Variants in REDIC1 observed in about 807,000 individuals in gnomAD.
REDIC1 encodes the protein HEI10 Interacting Protein 1.
chr12:39,728,786 T>TG, the REDIC1 span, among the ~76,000 whole-genome samples: 1 of 148,074 alleles, frequency 6.8e-6, no homozygotes, highest in Non-Finnish European at 1.5e-5. Context: ...TGGGCTTTTT[T>TG]TTTTTTTTTT....
chr12:39,872,123 A>G, the REDIC1 span, among the ~76,000 whole-genome samples: 1 of 152,222 alleles, frequency 6.6e-6, no homozygotes, highest in South Asian at 2.1e-4. Flanking sequence ...AAAAGATCAC[A>G]ATATAAAGAC....
At chr12:39,682,477 T>A in the REDIC1 span, 1 of 482,352 alleles carries the variant, frequency 2.1e-6, no homozygotes, top group Non-Finnish European at 3.3e-6. Flanking sequence ...TTTATTTAAA[T>A]ATAAAAAATA....
At chr12:39,841,870 C>G in the REDIC1 span, among the ~76,000 whole-genome samples, 2 of 152,008 alleles carry the variant, frequency 1.3e-5, no homozygotes, top group South Asian at 4.1e-4. Context: ...AGTAAGTCGA[C>G]TAGTATTTGT....
chr12:39,654,825 C>G, the REDIC1 span, among the ~76,000 whole-genome samples: 1 of 152,080 alleles, frequency 6.6e-6, no homozygotes, highest in Non-Finnish European at 1.5e-5. Context: ...TATTTCTTTT[C>G]TAAGTTTTTC....
the REDIC1 span, among the ~76,000 whole-genome samples, chr12:39,709,801 A>G: frequency 1.3e-5 from 2 of 151,900 alleles, no homozygotes; most frequent in African/African-American, 4.8e-5. Flanking sequence ...TGCAATGAAC[A>G]TAAGTATGCA....
At chr12:39,714,084 CAT>C in the REDIC1 span, among the ~76,000 whole-genome samples, 17 of 56,618 alleles carry the variant, frequency 3.0e-4, 1 homozygote, top group East Asian at 5.5e-3. Context: ...TGTATATACA[CAT>C]ATATGTACAT....
At chr12:39,713,867 A>C in the REDIC1 span, among the ~76,000 whole-genome samples, 3 of 148,708 alleles carry the variant, frequency 2.0e-5, no homozygotes, top group African/African-American at 4.9e-5. Context: ...ACATACATAT[A>C]TATGTATATT....
the REDIC1 span, among the ~76,000 whole-genome samples, chr12:39,664,445 T>C: frequency 1.3e-5 from 2 of 152,196 alleles, no homozygotes; most frequent in Non-Finnish European, 2.9e-5. Context: ...ATGGTGTATA[T>C]GTGCCACATT....
chr12:39,870,745 A>G, the REDIC1 span, among the ~76,000 whole-genome samples: 105,246 of 152,056 alleles, frequency 0.69, 36,946 homozygotes, highest in African/African-American at 0.8. Context: ...GCAGTTCAGC[A>G]CACATTATTG....
chr12:39,812,442 T>C, the REDIC1 span, among the ~76,000 whole-genome samples: 4 of 150,706 alleles, frequency 2.7e-5, no homozygotes, highest in African/African-American at 9.9e-5. Flanking sequence ...TCCTTTTCTT[T>C]CTTCTCTTTC....
At chr12:39,898,077 A>C in the REDIC1 span, among the ~76,000 whole-genome samples, 1 of 152,106 alleles carries the variant, frequency 6.6e-6, no homozygotes, top group Non-Finnish European at 1.5e-5. Flanking sequence ...TTTAGCAAAC[A>C]ATCCGTTGTT....
chr12:39,841,791 A>G, the REDIC1 span, among the ~76,000 whole-genome samples: 2 of 152,014 alleles, frequency 1.3e-5, no homozygotes, highest in Non-Finnish European at 2.9e-5. Context: ...TTCATTATTG[A>G]AGAGACAGAA....
At chr12:39,793,581 C>T in the REDIC1 span, among the ~76,000 whole-genome samples, 1 of 152,132 alleles carries the variant, frequency 6.6e-6, no homozygotes, top group African/African-American at 2.4e-5. Context: ...TCCCTGAGAA[C>T]ATTTCTAACG....
chr12:39,852,349 A>C, the REDIC1 span, among the ~76,000 whole-genome samples: 1 of 152,218 alleles, frequency 6.6e-6, no homozygotes, highest in East Asian at 1.9e-4. Context: ...AATCAGTTGT[A>C]AGACTAAAAT....
the REDIC1 span, among the ~76,000 whole-genome samples, chr12:39,737,157 C>T: frequency 1.3e-5 from 2 of 152,282 alleles, no homozygotes; most frequent in East Asian, 3.9e-4. Flanking sequence ...CTCAATAACT[C>T]CAGTTGGTGA....
chr12:39,639,150 C>A, the REDIC1 span, among the ~76,000 whole-genome samples: 2 of 152,002 alleles, frequency 1.3e-5, no homozygotes, highest in African/African-American at 4.8e-5. Flanking sequence ...AAACTGATTT[C>A]TCAGGTCCTC....
chr12:39,649,564 C>T, the REDIC1 span, among the ~76,000 whole-genome samples: 2 of 146,522 alleles, frequency 1.4e-5, no homozygotes, highest in Non-Finnish European at 3.0e-5. Flanking sequence ...CTTTCAGTGT[C>T]TCTTTTTGAC....
At chr12:39,717,301 T>C in the REDIC1 span, among the ~76,000 whole-genome samples, 1 of 151,888 alleles carries the variant, frequency 6.6e-6, no homozygotes, top group African/African-American at 2.4e-5. Context: ...CCAGAATCCT[T>C]ACTGATAACA....
the REDIC1 span, among the ~76,000 whole-genome samples, chr12:39,704,379 C>G: frequency 2.6e-5 from 4 of 152,120 alleles, no homozygotes; most frequent in African/African-American, 9.7e-5. Context: ...GAGATACCAT[C>G]TCACGCCAGT....
Sources: gnomAD v4.1 joint callset for allele counts (sites outside exome capture counted in the v4.1 genomes callset) on GRCh38, gnomAD v4.1.1 for gene constraint, MANE v1.5 for transcripts, NCBI Gene and HGNC (gene_info 2026-07-23, HGNC 2026-07-21) for gene names.